Variants in CSMD1 observed in about 807,000 individuals in gnomAD.
CSMD1 encodes CUB and Sushi multiple domains 1.
Under a neutral mutation model 417.5 loss-of-function variants are expected in CSMD1, and 213 were observed. That is an observed-to-expected ratio of 0.51 (90% CI 0.46 to 0.57). The LOEUF (loss-of-function observed/expected upper bound fraction) is 0.57. Among genes scored for constraint, CSMD1 ranks in the 20% least tolerant of loss-of-function variants. The pLI is 0.00. For missense variants in CSMD1, 6,923 were observed against 4,529.7 expected, an observed-to-expected ratio of 1.53 and a Z score of -15.17; for synonymous variants, 2,862 against 1,736.8, an observed-to-expected ratio of 1.65 and a Z score of -16.11.
At chr8:3,174,948 A>T (rs966592791) in intron 37 of CSMD1, among the ~76,000 whole-genome samples, 10 of 152,180 alleles carry the variant, frequency 6.6e-5, no homozygotes, top group Admixed American at 6.5e-4. Context: ...TTTGTTCATG[A>T]CATATTTTTT....
intron 6 of CSMD1, among the ~76,000 whole-genome samples, chr8:3,744,519 T>C (rs187258498): frequency 2.0e-4 from 31 of 152,232 alleles, no homozygotes; most frequent in African/African-American, 7.5e-4. Flanking sequence ...ATAAATAAAA[T>C]AGATCCAAAG....
At chr8:4,078,517 G>C (rs918120876) in intron 3 of CSMD1, among the ~76,000 whole-genome samples, 6 of 151,556 alleles carry the variant, frequency 4.0e-5, no homozygotes, top group Admixed American at 6.6e-5. Flanking sequence ...GCCCACCTCG[G>C]CCTCCCAAAG....
At chr8:3,182,815 G>GGACCCTGGCTGA (rs1821456880) in intron 36 of CSMD1, among the ~76,000 whole-genome samples, 1 of 97,662 alleles carries the variant, frequency 1.0e-5, no homozygotes, top group Non-Finnish European at 2.0e-5. Flanking sequence ...TGGTCTCGGG[G>GGACCCTGGCTGA]GACTCTGGCT....
chr8:4,969,201 A>G (rs879795525), intron 1 of CSMD1, among the ~76,000 whole-genome samples: 13 of 152,116 alleles, frequency 8.5e-5, no homozygotes, highest in Admixed American at 5.2e-4. Flanking sequence ...TCTCCTGCTC[A>G]CTGCTATGCT....
At chr8:3,404,085 C>T (rs1329104814) in intron 15 of CSMD1, among the ~76,000 whole-genome samples, 1 of 152,108 alleles carries the variant, frequency 6.6e-6, no homozygotes, top group Non-Finnish European at 1.5e-5. Flanking sequence ...ATACTATAAA[C>T]AGGACCTGGT....
At chr8:4,087,634 A>T (rs1314754759) in intron 3 of CSMD1, among the ~76,000 whole-genome samples, 18 of 151,648 alleles carry the variant, frequency 1.2e-4, no homozygotes. Flanking sequence ...CTTCTTCGAT[A>T]CTCTCACATT....
At chr8:3,750,996 CT>C (rs1368797018) in intron 6 of CSMD1, among the ~76,000 whole-genome samples, 4 of 152,146 alleles carry the variant, frequency 2.6e-5, no homozygotes, top group Non-Finnish European at 5.9e-5. Flanking sequence ...CTTCCTCTCT[CT>C]GGTCCTTCTT....
chr8:4,573,110 C>G (rs574514319), intron 2 of CSMD1, among the ~76,000 whole-genome samples: 1 of 152,144 alleles, frequency 6.6e-6, no homozygotes, highest in African/African-American at 2.4e-5. Flanking sequence ...CTTCTGAAGC[C>G]TACTTCTGTC....
chr8:3,295,299 G>C (rs1437747113), intron 25 of CSMD1, among the ~76,000 whole-genome samples: 2 of 151,598 alleles, frequency 1.3e-5, no homozygotes, highest in African/African-American at 4.8e-5. Flanking sequence ...TAATTTTTTT[G>C]TATTTTTTAG....
chr8:4,578,813 C>CAA (rs754048973), intron 2 of CSMD1, among the ~76,000 whole-genome samples: 1,709 of 81,350 alleles, frequency 0.021, 34 homozygotes, highest in African/African-American at 0.044. Flanking sequence ...GACTCCACCT[C>CAA]AAAAAAAAAA....
chr8:3,600,984 G>T (rs184505816), intron 8 of CSMD1, among the ~76,000 whole-genome samples: 1 of 152,126 alleles, frequency 6.6e-6, no homozygotes, highest in Non-Finnish European at 1.5e-5. Flanking sequence ...CTATTCCAAG[G>T]GGGTCTCTGT....
intron 50 of CSMD1, among the ~76,000 whole-genome samples, chr8:3,038,648 T>C (rs1810863692): frequency 2.0e-5 from 3 of 152,216 alleles, no homozygotes; most frequent in Admixed American, 6.5e-5. Context: ...GAACTGGGTA[T>C]TAGACAATTC....
intron 3 of CSMD1, among the ~76,000 whole-genome samples, chr8:4,413,359 T>C (rs1174040292): frequency 2.0e-5 from 3 of 152,134 alleles, no homozygotes; most frequent in Non-Finnish European, 2.9e-5. Context: ...TTCATTCTTT[T>C]ATCCGACACA....
intron 23 of CSMD1, among the ~76,000 whole-genome samples, chr8:3,331,221 G>C (rs1806872970): frequency 7.4e-6 from 1 of 135,680 alleles, no homozygotes; most frequent in Admixed American, 7.6e-5. Context: ...CTGGCCGACA[G>C]AACGAGACTC....
At chr8:4,372,254 A>G (rs952456941) in intron 3 of CSMD1, among the ~76,000 whole-genome samples, 3 of 152,222 alleles carry the variant, frequency 2.0e-5, no homozygotes, top group Non-Finnish European at 4.4e-5. Context: ...GTAAAGATAC[A>G]TAACGTCGGC....
intron 3 of CSMD1, among the ~76,000 whole-genome samples, chr8:4,387,569 G>GAAAAAAAAAAAAAA (rs1563120658): frequency 3.0e-4 from 1 of 3,308 alleles, no homozygotes; most frequent in Non-Finnish European, 1.5e-3. Context: ...ATCCAAACTG[G>GAAAAAAAAAAAAAA]CAAAAAAAAA....
At chr8:4,360,639 C>G (rs4875100) in intron 3 of CSMD1, among the ~76,000 whole-genome samples, 55,019 of 151,786 alleles carry the variant, frequency 0.36, 11,542 homozygotes, top group East Asian at 0.51. Flanking sequence ...ACAGGCTGCC[C>G]GCCACCACAC....
chr8:3,693,808 G>C (rs900470980), intron 7 of CSMD1, among the ~76,000 whole-genome samples: 3 of 151,316 alleles, frequency 2.0e-5, no homozygotes, highest in African/African-American at 7.3e-5. Flanking sequence ...GTGTGTGTGT[G>C]TGTTGTGTTT....
chr8:3,539,814 A>T (rs1485297912), intron 10 of CSMD1, among the ~76,000 whole-genome samples: 1 of 152,194 alleles, frequency 6.6e-6, no homozygotes, highest in East Asian at 1.9e-4. Context: ...AAGGAAAGAA[A>T]ACTCTAGACG....
Sources: allele counts gnomAD v4.1 joint callset (sites outside exome capture counted in the v4.1 genomes callset), GRCh38; gene constraint gnomAD v4.1.1; transcripts MANE v1.5; gene names NCBI Gene and HGNC (gene_info 2026-07-23, HGNC 2026-07-21).